The following ARHGAP4 variants were observed in gnomAD, a reference collection of about 807,000 sequenced individuals.
ARHGAP4 encodes rho GTPase-activating protein 4.
A neutral mutation model predicts 67.6 loss-of-function variants in ARHGAP4; 25 were observed. The observed-to-expected ratio is 0.37, with a 90% CI of 0.27 to 0.52. The LOEUF (loss-of-function observed/expected upper bound fraction) is 0.52, where lower values mean the gene tolerates loss of function less well. Ranked by LOEUF, ARHGAP4 falls within the 20% of genes least tolerant of loss-of-function variation. The pLI is 0.92. For missense variants in ARHGAP4, 804 were observed against 854.6 expected, an observed-to-expected ratio of 0.94 and a Z score of 0.74; for synonymous variants, 448 against 373.7, an observed-to-expected ratio of 1.20 and a Z score of -2.29.
At chrX:153,916,244 C>T (rs1176590897) in intron 7 of ARHGAP4, among the ~76,000 whole-genome samples, 2 of 112,853 alleles carry the variant, frequency 1.8e-5, no homozygotes, top group Non-Finnish European at 3.8e-5. Context: ...TTAATCAAGA[C>T]ATCCAATCAT....
chrX:153,921,263 G>C, intron 3 of ARHGAP4, 102 bp downstream of exon 3: 1 of 1,179,569 alleles, frequency 8.5e-7, no homozygotes, highest in Non-Finnish European at 1.1e-6. Context: ...ACACAGGTTC[G>C]CTCTGCCTGC....
In ARHGAP4 at chrX:153,914,101, T is replaced by C. The variant is rs2065039775; in HGVS notation, c.1033-222A>G. The stretch of plus-strand genomic sequence containing the variant: ...CGGCACCACTCATCCAACTGACGGA[T>C]GGCTAAACTCAGCGCGGTCTACCCA... On this transcript the variant is annotated intron_variant, in intron 7 of 21. Transcript: ENST00000350060. 3 of 422,806 alleles carry C rather than the reference T, an allele frequency of 7.1e-6. No homozygotes were observed. In the African/African-American group the frequency reaches 7.4e-5, roughly 10 times the overall value. 34.8% of individuals were successfully genotyped at this position (422,806 alleles called of 1,213,427 possible).
Position 153,920,821 on chromosome X carries a change from C to A in ARHGAP4, c.499-13G>T. Reference sequence around the variant, plus strand: ...ACGTCTTCTTGGCCTGCAGGGAGACCCAAAGCAAGGTGGTGCTGGTGAAGG... The same window carrying A: ...ACGTCTTCTTGGCCTGCAGGGAGACACAAAGCAAGGTGGTGCTGGTGAAGG... On this transcript the variant is annotated splice_polypyrimidine_tract_variant and intron_variant, in intron 4 of 21. Transcript: ENST00000350060. The A allele has an allele frequency of 1.7e-6, 2 of 1,211,439 alleles. No individual in the cohort carries two copies. The highest frequency in any genetic ancestry group is 1.8e-5 in the South Asian group (1 of 57,019).
intron 20 of ARHGAP4, 80 bp from the exon 21 acceptor site, chrX:153,909,249 G>T (rs2064997082): frequency 1.0e-6 from 1 of 979,823 alleles, no homozygotes; most frequent in Admixed American, 2.9e-5. Context: ...CCATCCTGGG[G>T]TGTGGCCAAG....
chrX:153,910,221 A>T lies in ARHGAP4; in HGVS notation c.2106T>A (p.Pro702=). ...CCATGCACTTCTCGTAGACGGGGCC[A>T]GGCAGCGAGGTCAGGGGCGGGAAGA... is the stretch of plus-strand genomic sequence containing the variant. ...DRVFPPLTSL[P]GPVYEKCMAP... The change falls in exon 17 of 22, where the codon CCT becomes CCA. Residue 702 remains proline (P), a synonymous_variant. Transcript: ENST00000350060. 8.3e-7 allele frequency: 1 copy of T among 1,211,226 alleles called. No individual in the cohort carries two copies. Among genetic ancestry groups the T allele is most frequent in the South Asian group, 1.8e-5 (1 of 56,970 alleles).
chrX:153,909,367 G>GA (rs2064998291), intron 20 of ARHGAP4, 76 bp downstream of exon 20: 2 of 1,055,437 alleles, frequency 1.9e-6, no homozygotes, highest in Admixed American at 3.0e-5. Context: ...ACTCCCACTG[G>GA]CCAAAGCCTG....
At position 153,919,288 on chromosome X, in the gene ARHGAP4, T is replaced by C. The variant is rs1372973169; in HGVS notation, c.682-5A>G. 2.5e-6 allele frequency: 3 copies of C among 1,210,836 alleles called. No homozygotes were observed. In the African/African-American group the frequency reaches 5.2e-5, roughly 21 times the overall value. On this transcript the variant is annotated splice_polypyrimidine_tract_variant and splice_region_variant and intron_variant, in intron 5 of 21. Coordinates refer to ENST00000350060, the MANE Select transcript of ARHGAP4 (RefSeq NM_001666.5). ...CTCCATGAACTTGGCCTGCCGCTAC[T>C]CAAGACAATGCAAGCGTGCCAGGGT...
chrX:153,914,405 CAG>C (rs1384592146), intron 7 of ARHGAP4, among the ~76,000 whole-genome samples: 2 of 112,709 alleles, frequency 1.8e-5, no homozygotes, highest in Admixed American at 1.9e-4. Context: ...CTATTTAAAA[CAG>C]AATGGTGGCC....
intron 7 of ARHGAP4, 121 bp from the exon 8 acceptor site, chrX:153,914,000 G>T: frequency 1.8e-6 from 1 of 561,642 alleles, no homozygotes; most frequent in Non-Finnish European, 2.9e-6. Context: ...AGGACCACCA[G>T]CCCAGACGCT....
intron 7 of ARHGAP4, among the ~76,000 whole-genome samples, chrX:153,915,253 C>T (rs1018135093): frequency 2.7e-5 from 3 of 110,988 alleles, no homozygotes; most frequent in Non-Finnish European, 5.7e-5. Flanking sequence ...TGGGGTTGAA[C>T]GGGGCCAGAG....
intron 5 of ARHGAP4, chrX:153,919,702 T>C (rs2065079634): frequency 1.7e-6 from 2 of 1,143,800 alleles, no homozygotes; most frequent in Non-Finnish European, 2.3e-6. Flanking sequence ...GGGGAACGAG[T>C]ACCCCAAAGG....
chrX:153,909,017 G>A, intron 21 of ARHGAP4, 53 bp downstream of exon 21: 1 of 1,153,064 alleles, frequency 8.7e-7, no homozygotes, highest in South Asian at 1.8e-5. Context: ...TCCAAGGGGA[G>A]GCAGAGATCC....
rs782074174 is a variant in ARHGAP4, at chrX:153,921,846, G to A, written c.68-37C>T. On this transcript the variant is annotated intron_variant, in intron 1 of 21. Transcript: ENST00000350060. ...ACCATGGCTCAGGCCTGGTCAGCAC[G>A]CCCTGCCTGGGTCAGCCAGGCCAGC... is the stretch of plus-strand genomic sequence containing the variant. 2.7e-5 allele frequency: 31 copies of A among 1,149,216 alleles called. No individual in the cohort carries two copies. In the South Asian group the frequency reaches 3.1e-4, roughly 11 times the overall value. The allele number at this position is 1,149,216 out of a possible 1,213,427, so 94.7% of individuals were successfully genotyped here. A position where few individuals can be genotyped will look rare whatever the true frequency, so the allele number is the denominator to read the frequency against.
rs189558725 is a variant in ARHGAP4, at chrX:153,921,250, G to T, written c.436-91C>A. ...TGCCCAGATCAAGCCCCATCGGGGGGGCACACAGGTTCGCTCTGCCTGCTC... is the reference window on the plus strand; with the variant it reads ...TGCCCAGATCAAGCCCCATCGGGGGTGCACACAGGTTCGCTCTGCCTGCTC... On this transcript the variant is annotated intron_variant, in intron 3 of 21. Coordinates refer to ENST00000350060, the MANE Select transcript of ARHGAP4 (RefSeq NM_001666.5). 581 of 1,176,249 alleles carry T rather than the reference G, an allele frequency of 4.9e-4. 7 individuals are homozygous for T. In the East Asian group the frequency reaches 0.018, roughly 36 times the overall value.
chrX:153,908,188 G>A (rs201348642), intron 21 of ARHGAP4, among the ~76,000 whole-genome samples: 4 of 112,056 alleles, frequency 3.6e-5, no homozygotes, highest in East Asian at 5.7e-4. Flanking sequence ...GGTTTAGCCC[G>A]GAAGTGGGGA....
At chrX:153,925,976 C>A (rs1181072450) in intron 1 of ARHGAP4, among the ~76,000 whole-genome samples, 160 bp downstream of exon 1, 1 of 112,630 alleles carries the variant, frequency 8.9e-6, no homozygotes, top group Non-Finnish European at 1.9e-5. Context: ...AAATGGGCGT[C>A]GGGAGGCAGG....
chrX:153,909,266 A>G, intron 20 of ARHGAP4, 97 bp from the exon 21 acceptor site: 1 of 913,542 alleles, frequency 1.1e-6, no homozygotes, highest in Non-Finnish European at 1.5e-6. Flanking sequence ...CAAGGAAAGG[A>G]GGCTGGCCCA....
At chrX:153,911,215 C>T in intron 12 of ARHGAP4, 26 bp from the exon 13 acceptor site, 1 of 1,072,537 alleles carries the variant, frequency 9.3e-7, no homozygotes, top group Non-Finnish European at 1.3e-6. Flanking sequence ...GTTTACTTCA[C>T]CATGGACACA....
At chrX:153,915,012 C>T (rs143829597) in intron 7 of ARHGAP4, among the ~76,000 whole-genome samples, 1,500 of 112,476 alleles carry the variant, frequency 0.013, 11 homozygotes, top group Non-Finnish European at 0.019. Flanking sequence ...CACCAAGCCC[C>T]GCCGTACAGG....
Sources: gnomAD v4.1 joint callset for allele counts (sites outside exome capture counted in the v4.1 genomes callset) on GRCh38, gnomAD v4.1.1 for gene constraint, MANE v1.5 for transcripts, NCBI Gene and HGNC (gene_info 2026-07-23, HGNC 2026-07-21) for gene names.